The following PRKG1 variants were observed in gnomAD, a reference collection of about 807,000 sequenced individuals.
PRKG1 encodes the protein cGMP-dependent protein kinase 1.
Under a neutral mutation model 88.1 loss-of-function variants are expected in PRKG1, and 35 were observed. The ratio of observed to expected loss-of-function variants is 0.40; its 90% CI spans 0.30 to 0.53. The LOEUF (loss-of-function observed/expected upper bound fraction) is 0.53, where lower values mean the gene tolerates loss of function less well. Among genes scored for constraint, PRKG1 ranks in the 20% least tolerant of loss-of-function variants. The pLI is 0.59. For missense variants in PRKG1, 540 were observed against 839.8 expected (o/e 0.64, Z 4.41); for synonymous variants, 303 against 292.5 (o/e 1.04, Z -0.37).
At chr10:51,414,780 A>G (rs977774105) in intron 2 of PRKG1, among the ~76,000 whole-genome samples, 2 of 152,188 alleles carry the variant, frequency 1.3e-5, no homozygotes, top group Admixed American at 1.3e-4. Flanking sequence ...TTAAAAAACA[A>G]TATTATGATT....
At chr10:51,387,350 T>C (rs574372869) in intron 2 of PRKG1, among the ~76,000 whole-genome samples, 1 of 149,030 alleles carries the variant, frequency 6.7e-6, no homozygotes, top group Non-Finnish European at 1.5e-5. Flanking sequence ...GTAAATATTA[T>C]ATATAAATAT....
chr10:51,803,781 T>C (rs980612899), intron 3 of PRKG1, among the ~76,000 whole-genome samples: 2 of 152,150 alleles, frequency 1.3e-5, no homozygotes, highest in Non-Finnish European at 2.9e-5. Flanking sequence ...AAAACATATA[T>C]AAAAGTAAAG....
Position 51,633,751 on chromosome 10 carries a change from C to T in PRKG1, c.592+165915C>T, listed in dbSNP as rs781147468. Among the ~76,000 whole-genome samples, 46 of 152,212 alleles carry T rather than the reference C, an allele frequency of 3.0e-4. 1 individual carries two copies. Among genetic ancestry groups the T allele is most frequent in the Admixed American group, 1.9e-3 (29 of 15,288 alleles). ...GATTTTACTTTTTTCCCCAAAGAAG[C>T]CAAATCCAGATTTTTAACATGAAAT... On this transcript the variant is annotated intron_variant, in intron 3 of 17. Coordinates refer to ENST00000373980, the MANE Select transcript of PRKG1 (RefSeq NM_006258.4).
At chr10:51,102,555 G>A (rs993084607) in intron 1 of PRKG1, among the ~76,000 whole-genome samples, 7 of 152,152 alleles carry the variant, frequency 4.6e-5, no homozygotes, top group African/African-American at 1.7e-4. Context: ...TTCGGCTCCT[G>A]TTACACTGGA....
intron 7 of PRKG1, among the ~76,000 whole-genome samples, chr10:52,117,164 C>CTGTG (rs71459438): frequency 0.079 from 11,043 of 139,132 alleles, 498 homozygotes; most frequent in Non-Finnish European, 0.09. Context: ...TGTGAAATAT[C>CTGTG]TGTGTGTGTG....
chr10:51,995,809 T>G (rs1331069394), intron 5 of PRKG1, among the ~76,000 whole-genome samples: 1 of 152,062 alleles, frequency 6.6e-6, no homozygotes, highest in Non-Finnish European at 1.5e-5. Flanking sequence ...GAAGCTTAAT[T>G]GAGACAATAT....
intron 2 of PRKG1, among the ~76,000 whole-genome samples, chr10:51,157,721 T>A (rs1846248954): frequency 6.6e-6 from 1 of 151,972 alleles, no homozygotes. Flanking sequence ...AAATTTCATT[T>A]TAATTTTTAA....
At chr10:51,107,422 C>A (rs918811342) in intron 1 of PRKG1, among the ~76,000 whole-genome samples, 2 of 151,850 alleles carry the variant, frequency 1.3e-5, no homozygotes, top group African/African-American at 4.8e-5. Flanking sequence ...GTAAATTAAA[C>A]CCATAGTAAG....
intron 2 of PRKG1, among the ~76,000 whole-genome samples, chr10:51,438,975 C>A (rs1839014618): frequency 6.6e-6 from 1 of 150,610 alleles, no homozygotes; most frequent in Non-Finnish European, 1.5e-5. Flanking sequence ...GAGCTAAAAA[C>A]CACCTGGAAC....
At chr10:51,996,392 G>C (rs1023178798) in intron 5 of PRKG1, among the ~76,000 whole-genome samples, 6 of 149,844 alleles carry the variant, frequency 4.0e-5, no homozygotes, top group Admixed American at 1.3e-4. Context: ...ATCAGATGAG[G>C]GATTAATATC....
chr10:51,120,000 T>C (rs1434186857), intron 1 of PRKG1, among the ~76,000 whole-genome samples: 1 of 152,136 alleles, frequency 6.6e-6, no homozygotes, highest in East Asian at 1.9e-4. Flanking sequence ...GGGTTCTCCA[T>C]ATATCAATGC....
intron 2 of PRKG1, among the ~76,000 whole-genome samples, chr10:51,341,424 T>C (rs1225463723): frequency 1.3e-5 from 2 of 152,140 alleles, no homozygotes; most frequent in South Asian, 2.1e-4. Flanking sequence ...GTTGGGACTG[T>C]TGTTTAAATA....
rs966270915 is a variant in PRKG1 at position 51,720,193 on chromosome 10, A to T, written c.593-84392A>T. ...TACCTTCCCCCTTAAAGTGTAATAG[A>T]GACCACACTCTTCATTCTGACCTAC... is the stretch of plus-strand genomic sequence containing the variant. On this transcript the variant is annotated intron_variant, in intron 3 of 17. Transcript: ENST00000373980. Among the ~76,000 whole-genome samples the T allele has an allele frequency of 3.9e-5, 6 of 152,296 alleles. No homozygotes were observed. In the South Asian group the frequency reaches 8.3e-4, roughly 21 times the overall value.
chr10:52,027,055 C>T (rs1352151782), intron 5 of PRKG1, among the ~76,000 whole-genome samples: 2 of 152,096 alleles, frequency 1.3e-5, no homozygotes, highest in African/African-American at 2.4e-5. Flanking sequence ...ACTGTGTCTG[C>T]CCAGAAGAGG....
At chr10:52,091,412 A>G (rs1307519552) in intron 7 of PRKG1, among the ~76,000 whole-genome samples, 1 of 152,174 alleles carries the variant, frequency 6.6e-6, no homozygotes, top group Non-Finnish European at 1.5e-5. Context: ...ACGTAACCCA[A>G]TAGTGGGAGG....
chr10:51,732,716 T>A (rs1837148251), intron 3 of PRKG1, among the ~76,000 whole-genome samples: 1 of 152,132 alleles, frequency 6.6e-6, no homozygotes, highest in Non-Finnish European at 1.5e-5. Context: ...ATAGCTAAAT[T>A]GAAGGCAAAA....
At chr10:51,183,742 A>G (rs939535031) in intron 2 of PRKG1, among the ~76,000 whole-genome samples, 1 of 152,168 alleles carries the variant, frequency 6.6e-6, no homozygotes, top group African/African-American at 2.4e-5. Flanking sequence ...TCTTTTAAAT[A>G]TGTATAAATA....
chr10:51,370,740 A>AT (rs1842688614), intron 2 of PRKG1, among the ~76,000 whole-genome samples: 1 of 152,176 alleles, frequency 6.6e-6, no homozygotes, highest in African/African-American at 2.4e-5. Context: ...CCAAAATATT[A>AT]TGTCAATGTG....
chr10:51,446,697 G>T (rs188237779), intron 2 of PRKG1, among the ~76,000 whole-genome samples: 1 of 152,120 alleles, frequency 6.6e-6, no homozygotes, highest in East Asian at 1.9e-4. Flanking sequence ...TTTCGTTCAG[G>T]TTCTGCTTTT....
Sources: allele counts gnomAD v4.1 joint callset (sites outside exome capture counted in the v4.1 genomes callset), GRCh38; gene constraint gnomAD v4.1.1; transcripts MANE v1.5; gene names NCBI Gene and HGNC (gene_info 2026-07-23, HGNC 2026-07-21).